Variants in EPM2A observed in about 807,000 individuals in gnomAD.
EPM2A encodes laforin.
A neutral mutation model predicts 26.5 loss-of-function variants in EPM2A; 21 were observed. The ratio of observed to expected loss-of-function variants is 0.79; its 90% CI spans 0.56 to 1.14. The LOEUF is 1.14. Among genes scored for constraint, EPM2A ranks in the 50% most tolerant of loss-of-function variants. The pLI, the probability that EPM2A is intolerant of heterozygous loss-of-function variation, is 0.00. For missense variants in EPM2A, 458 were observed against 440.8 expected, an observed-to-expected ratio of 1.04 and a Z score of -0.35; for synonymous variants, 217 against 177.6, an observed-to-expected ratio of 1.22 and a Z score of -1.76.
At chr6:145,683,135 G>A (rs77391058) in intron 2 of EPM2A, among the ~76,000 whole-genome samples, 1,651 of 152,074 alleles carry the variant, frequency 0.011, 13 homozygotes, top group Admixed American at 0.017. Flanking sequence ...GAATTATGCT[G>A]GAATTTTTAA....
At chr6:145,425,709 A>G (rs1158491075) in intron 4 of EPM2A, among the ~76,000 whole-genome samples, 1 of 152,002 alleles carries the variant, frequency 6.6e-6, no homozygotes, top group Non-Finnish European at 1.5e-5. Flanking sequence ...TGTGAAGGCC[A>G]GATTTCAGGC....
chr6:145,622,848 C>T (rs952254867), downstream of EPM2A, among the ~76,000 whole-genome samples: 1 of 152,164 alleles, frequency 6.6e-6, no homozygotes, highest in Admixed American at 6.5e-5. Context: ...ATTATGGCTG[C>T]CCCAGCAAAC....
chr6:145,733,039 A>G (rs1190180094), intron 1 of EPM2A, among the ~76,000 whole-genome samples: 1 of 152,214 alleles, frequency 6.6e-6, no homozygotes, highest in East Asian at 1.9e-4. Flanking sequence ...CTCTCTGTTA[A>G]TTTACGATGT....
chr6:145,557,888 T>A (rs925700098), intron 2 of EPM2A, among the ~76,000 whole-genome samples: 1 of 152,058 alleles, frequency 6.6e-6, no homozygotes, highest in Non-Finnish European at 1.5e-5. Context: ...CCCCAAACCG[T>A]CCTTGCCTCT....
intron 2 of EPM2A, among the ~76,000 whole-genome samples, chr6:145,601,918 TA>T (rs1265904069): frequency 6.6e-6 from 1 of 152,172 alleles, no homozygotes; most frequent in African/African-American, 2.4e-5. Flanking sequence ...ATGCACAAAA[TA>T]TATTTATTTA....
intron 1 of EPM2A, among the ~76,000 whole-genome samples, chr6:145,691,379 T>C (rs1442031098): frequency 6.6e-6 from 1 of 152,106 alleles, no homozygotes; most frequent in African/African-American, 2.4e-5. Flanking sequence ...ACCAAGAATC[T>C]TACTTTGTGA....
At chr6:145,486,826 T>G (rs904929015) in intron 4 of EPM2A, among the ~76,000 whole-genome samples, 1 of 152,182 alleles carries the variant, frequency 6.6e-6, no homozygotes, top group Non-Finnish European at 1.5e-5. Flanking sequence ...TACATATGTA[T>G]AAGAGTTTAT....
chr6:145,680,495 C>T (rs1780434473), intron 2 of EPM2A, among the ~76,000 whole-genome samples: 1 of 151,866 alleles, frequency 6.6e-6, no homozygotes, highest in Admixed American at 6.6e-5. Flanking sequence ...CACCCATTAA[C>T]TCGTCATTTA....
Position 145,564,318 on chromosome 6 carries a change from G to A in EPM2A, c.341-61743C>T, listed in dbSNP as rs997512369. Among the ~76,000 whole-genome samples the A allele has an allele frequency of 2.6e-5, 4 of 152,104 alleles. No individual in the cohort carries two copies. The East Asian group carries it at 7.7e-4, about 29-fold the overall frequency. ...TGCCTGTGTATATCTACATACGTAT[G>A]TACATTAAAAGAAAAATTGCAGACA... On this transcript the variant is annotated intron_variant, in intron 2 of 3. Coordinates refer to the EPM2A transcript ENST00000450221.
At chr6:145,389,663 T>G (rs1234774881) in intron 4 of EPM2A, among the ~76,000 whole-genome samples, 2 of 152,232 alleles carry the variant, frequency 1.3e-5, no homozygotes, top group African/African-American at 2.4e-5. Context: ...AAATATTTGG[T>G]GAATAAAGGA....
chr6:145,624,299 C>T (rs547428328), downstream of EPM2A, among the ~76,000 whole-genome samples: 1 of 152,286 alleles, frequency 6.6e-6, no homozygotes, highest in South Asian at 2.1e-4. Flanking sequence ...TACAGTCACA[C>T]CTTCTCGCTC....
rs569440711 is a variant in EPM2A at position 145,419,227 on chromosome 6, AACAGT to A, written c.556-35135_556-35131del. 4.1e-3 allele frequency among the ~76,000 whole-genome samples: 581 copies of A among 140,110 alleles called. 1 individual carries two copies. Among genetic ancestry groups the A allele is most frequent in the Non-Finnish European group, 6.3e-3 (407 of 64,138 alleles). The allele number at this position is 140,110 out of a possible 152,430, so 91.9% of individuals were successfully genotyped here. ...CCAGCAGCGCATGGCCTCACCATTGAACAGTACAGTACAGTGAGCCACAGTTTCTA... is the reference window on the plus strand; with the variant it reads ...CCAGCAGCGCATGGCCTCACCATTGAACAGTACAGTGAGCCACAGTTTCTA... On this transcript the variant is annotated intron_variant, in intron 4 of 4. Transcript: ENST00000638717.
At chr6:145,391,524 C>A (rs57980525) in intron 4 of EPM2A, among the ~76,000 whole-genome samples, 10 of 152,116 alleles carry the variant, frequency 6.6e-5, no homozygotes, top group East Asian at 3.9e-4. Flanking sequence ...GCCTGCCCCC[C>A]CTTTGTAAAT....
downstream of EPM2A, among the ~76,000 whole-genome samples, chr6:145,623,804 C>G (rs1775687388): frequency 6.6e-6 from 1 of 152,084 alleles, no homozygotes; most frequent in African/African-American, 2.4e-5. Context: ...TGGCTCTGAC[C>G]AGGGTTGTTC....
intron 2 of EPM2A, among the ~76,000 whole-genome samples, chr6:145,514,551 G>C (rs1780099298): frequency 6.6e-6 from 1 of 152,144 alleles, no homozygotes; most frequent in Non-Finnish European, 1.5e-5. Flanking sequence ...TTTTTAGATA[G>C]ATAAATACTA....
chr6:145,643,040 G>A (rs1777202919), intron 2 of EPM2A, among the ~76,000 whole-genome samples: 1 of 152,132 alleles, frequency 6.6e-6, no homozygotes, highest in African/African-American at 2.4e-5. Context: ...GGATGGTGAT[G>A]GCTCAGAATA....
At chr6:145,680,831 G>A (rs1226568060) in intron 2 of EPM2A, among the ~76,000 whole-genome samples, 2 of 152,086 alleles carry the variant, frequency 1.3e-5, no homozygotes, top group Admixed American at 1.3e-4. Flanking sequence ...TTGCTATTGT[G>A]AATAGTGCCG....
intron 4 of EPM2A, among the ~76,000 whole-genome samples, chr6:145,412,132 T>C (rs1582735167): frequency 6.6e-6 from 1 of 150,464 alleles, no homozygotes; most frequent in Non-Finnish European, 1.5e-5. Flanking sequence ...CAGGAGAATC[T>C]CTTGAACCTG....
rs1776343062 is a variant in EPM2A, at chr6:145,632,539, T to TA, written c.718+2705dup. ...ACCAAAATGTTTATAAAAGATTTTT[T>TA]AAAAAAAGAAATCTACACCACCATT... On this transcript the variant is annotated intron_variant, in intron 3 of 3. Coordinates refer to ENST00000367519, the MANE Select transcript of EPM2A (RefSeq NM_005670.4). 2.6e-5 allele frequency among the ~76,000 whole-genome samples: 4 copies of TA among 151,074 alleles called. No individual in the cohort carries two copies. The South Asian group carries it at 8.4e-4, about 32-fold the overall frequency.
Sources: gnomAD v4.1 joint callset for allele counts (sites outside exome capture counted in the v4.1 genomes callset) on GRCh38, gnomAD v4.1.1 for gene constraint, MANE v1.5 for transcripts, NCBI Gene and HGNC (gene_info 2026-07-23, HGNC 2026-07-21) for gene names.